Variants in LPP observed in about 807,000 individuals in gnomAD.
The protein encoded by LPP is lipoma-preferred partner.
Under a neutral mutation model 60.4 loss-of-function variants are expected in LPP, and 38 were observed. The ratio of observed to expected loss-of-function variants is 0.63; its 90% CI spans 0.49 to 0.83. LPP has a LOEUF of 0.83. LPP is among the 40% of genes least tolerant of loss of function. The pLI is 0.00. For synonymous variants in LPP, 328 were observed against 290.8 expected (o/e 1.13, Z -1.30); for missense variants, 902 against 783.6 (o/e 1.15, Z -1.80).
At chr3:188,663,299 AT>A (rs1431126141) in intron 7 of LPP, among the ~76,000 whole-genome samples, 1 of 152,180 alleles carries the variant, frequency 6.6e-6, no homozygotes, top group African/African-American at 2.4e-5. Flanking sequence ...CCTTAATTGC[AT>A]ATACAGACTC....
Position 188,760,190 on chromosome 3 carries a change from G to A in LPP, c.1318G>A (p.Asp440Asn). 4.3e-6 allele frequency: 7 copies of A among 1,614,084 alleles called. No individual in the cohort carries two copies. The highest frequency in any genetic ancestry group is 5.9e-6 in the Non-Finnish European group (7 of 1,179,988). Residue 440 changes from aspartate to asparagine, a missense_variant, in exon 9 of 12, where the codon GAT becomes AAT. By Grantham distance (23) the Asp-to-Asn change is conservative. Transcript: ENST00000617246. Reference sequence around the variant, plus strand: ...TGCCATGGATCAGGTCTTCCACGTGGATTGTTTTACCTGCATCATCTGCAA... The same window carrying A: ...TGCCATGGATCAGGTCTTCCACGTGAATTGTTTTACCTGCATCATCTGCAA... ...CTAMDQVFHV[D>N]CFTCIICNNK...
chr3:188,570,292 T>C (rs372031237), intron 6 of LPP, among the ~76,000 whole-genome samples: 1 of 151,976 alleles, frequency 6.6e-6, no homozygotes, highest in Non-Finnish European at 1.5e-5. Context: ...AAAGAAATTA[T>C]TGTAGAAATC....
At position 188,413,621 on chromosome 3, in the gene LPP, G is replaced by A. The variant is rs1196396762; in HGVS notation, c.193+7308G>A. ...CCTCAGGGGGACAAAAGAACAAGCT[G>A]TGTATTCATTAAAGGATCAAATATT... On this transcript the variant is annotated intron_variant, in intron 4 of 11. Transcript: ENST00000617246. Among the ~76,000 whole-genome samples, 3 of 152,152 alleles carry A rather than the reference G, an allele frequency of 2.0e-5. No homozygotes were observed. The East Asian group carries it at 5.8e-4, about 29-fold the overall frequency.
rs372002931 is a variant in LPP, at chr3:188,497,383, A to G, written c.306+12679A>G. ...TCTAAACAAGTGAAGGATTTATCTTAAAAAATAAAATTTTAGTATTTTCTT... is the reference window on the plus strand; with the variant it reads ...TCTAAACAAGTGAAGGATTTATCTTGAAAAATAAAATTTTAGTATTTTCTT... On this transcript the variant is annotated intron_variant, in intron 5 of 11. Coordinates refer to ENST00000617246, the MANE Select transcript of LPP (RefSeq NM_001375462.1). Among the ~76,000 whole-genome samples the G allele has an allele frequency of 5.6e-4, 85 of 152,358 alleles. 1 individual carries two copies. The highest frequency in any genetic ancestry group is 2.0e-3 in the African/African-American group (85 of 41,592).
At chr3:188,187,506 G>T (rs1335419940) in intron 1 of LPP, among the ~76,000 whole-genome samples, 1 of 151,916 alleles carries the variant, frequency 6.6e-6, no homozygotes, top group Non-Finnish European at 1.5e-5. Flanking sequence ...ATTTTAGGCT[G>T]TATTTTGTTT....
rs540997750 is a variant in LPP at position 188,872,531 on chromosome 3, G to A, written c.1590-112G>A. 2.1e-5 allele frequency: 24 copies of A among 1,140,050 alleles called. No individual in the cohort carries two copies. In the African/African-American group the frequency reaches 2.4e-4, roughly 12 times the overall value. The allele number at this position is 1,140,050 out of a possible 1,614,324, so 70.6% of individuals were successfully genotyped here. On this transcript the variant is annotated intron_variant, in intron 10 of 11. Coordinates refer to ENST00000617246, the MANE Select transcript of LPP (RefSeq NM_001375462.1). ...CCTGAGTCTAACTCCCTCACCTTAC[G>A]GATGAGGAAGCAGGTATACCGACTC...
intron 4 of LPP, among the ~76,000 whole-genome samples, chr3:188,426,945 G>C (rs1789535765): frequency 6.6e-6 from 1 of 152,030 alleles, no homozygotes; most frequent in African/African-American, 2.4e-5. Flanking sequence ...CCTTTAGCCT[G>C]TTTACATTGA....
At chr3:188,685,767 C>T (rs1321040023) in intron 7 of LPP, among the ~76,000 whole-genome samples, 2 of 152,130 alleles carry the variant, frequency 1.3e-5, no homozygotes, top group Non-Finnish European at 2.9e-5. Context: ...TTTGCCTTAA[C>T]GTGGTGTCCC....
chr3:188,855,362 T>C (rs1313104838), intron 9 of LPP, among the ~76,000 whole-genome samples: 1 of 152,198 alleles, frequency 6.6e-6, no homozygotes, highest in Non-Finnish European at 1.5e-5. Flanking sequence ...TTGAACAAAC[T>C]AGTGTAAGAT....
In LPP at chr3:188,825,581, G is replaced by C. The variant is rs575802392; in HGVS notation, c.1411-40619G>C. ...GCAGGCGACAGGGTTCTGAGAGTGA[G>C]AGAGTAATGGAATGTGTATGTCTCT... On this transcript the variant is annotated intron_variant, in intron 9 of 11. Coordinates refer to ENST00000617246, the MANE Select transcript of LPP (RefSeq NM_001375462.1). Among the ~76,000 whole-genome samples, 3 of 152,072 alleles carry C rather than the reference G, an allele frequency of 2.0e-5. No individual in the cohort carries two copies. The East Asian group carries it at 5.8e-4, about 29-fold the overall frequency.
Position 188,884,424 on chromosome 3 carries a change from C to T in LPP, c.*9945C>T, listed in dbSNP as rs1331303412. On this transcript the variant is annotated 3_prime_UTR_variant, in exon 12 of 12. Coordinates refer to ENST00000617246, the MANE Select transcript of LPP (RefSeq NM_001375462.1). ...AGGTGGCAAATCCACATGTGTACTG[C>T]GGTCTTTAGAGATCATTTAGAGCTT... 3.9e-5 allele frequency: 9 copies of T among 229,424 alleles called. No individual in the cohort carries two copies. Among genetic ancestry groups the T allele is most frequent in the South Asian group, 1.8e-4 (1 of 5,496 alleles). The allele number at this position is 229,424 out of a possible 1,614,324, so 14.2% of individuals were successfully genotyped here. A position where few individuals can be genotyped will look rare whatever the true frequency, so the allele number is the denominator to read the frequency against.
At chr3:188,745,144 T>C (rs896473648) in intron 8 of LPP, among the ~76,000 whole-genome samples, 1 of 152,172 alleles carries the variant, frequency 6.6e-6, no homozygotes, top group Non-Finnish European at 1.5e-5. Flanking sequence ...ACTCTCAAGA[T>C]ATTTCTGTGT....
chr3:188,590,000 G>T (rs754450789), intron 6 of LPP, among the ~76,000 whole-genome samples: 1 of 152,100 alleles, frequency 6.6e-6, no homozygotes, highest in African/African-American at 2.4e-5. Flanking sequence ...TTTTGTTTAC[G>T]TTGCACTGCA....
intron 5 of LPP, among the ~76,000 whole-genome samples, chr3:188,493,819 A>G (rs1013016789): frequency 3.3e-5 from 5 of 152,084 alleles, no homozygotes; most frequent in African/African-American, 1.2e-4. Context: ...AACTCCTACT[A>G]TATGGAATTG....
rs201984851 is a variant in LPP at position 188,609,473 on chromosome 3, C to T, written c.742C>T (p.Pro248Ser). The T allele has an allele frequency of 5.0e-5, 80 of 1,614,078 alleles. No individual in the cohort carries two copies. The highest frequency in any genetic ancestry group is 6.7e-5 in the African/African-American group (5 of 74,928). Residue 248 changes from proline to serine, a missense_variant, in exon 7 of 12, where the codon CCC (proline) becomes TCC (serine). Physicochemically the swap from Pro to Ser is moderately conservative, Grantham distance 74. Transcript: ENST00000617246. This position sits in a 1 kb window ranked among gnomAD's most constrained non-coding sequence, Gnocchi z 6.9. ...PSSGQIYGSG[P>S]QGYNTQPVPV... ...ATCAGGACAAATTTATGGCTCAGGG[C>T]CCCAGGGCTATAACACTCAGCCAGT...
chr3:188,826,570 T>C (rs1047594075), intron 9 of LPP, among the ~76,000 whole-genome samples: 6 of 152,164 alleles, frequency 3.9e-5, no homozygotes, highest in African/African-American at 1.2e-4. Flanking sequence ...TCTAACTCCC[T>C]TCATCCTCCC....
intron 3 of LPP, among the ~76,000 whole-genome samples, chr3:188,361,677 A>C (rs112916946): frequency 0.14 from 21,830 of 151,266 alleles, 1,952 homozygotes; most frequent in African/African-American, 0.24. Flanking sequence ...AGCGATTCTC[A>C]TGCCTCAGCC....
At chr3:188,708,606 G>T (rs1865949585) in intron 8 of LPP, 1 of 628,142 alleles carries the variant, frequency 1.6e-6, no homozygotes, top group Non-Finnish European at 2.7e-6. Flanking sequence ...TAAAATTTCA[G>T]TGGTCCTTAG....
intron 3 of LPP, among the ~76,000 whole-genome samples, chr3:188,376,009 G>C (rs1381425823): frequency 6.6e-6 from 1 of 152,166 alleles, no homozygotes; most frequent in Admixed American, 6.5e-5. Flanking sequence ...ACGTAGTTGA[G>C]CTGTTTTGAG....
Sources: gnomAD v4.1 joint callset for allele counts (sites outside exome capture counted in the v4.1 genomes callset) on GRCh38, gnomAD v4.1.1 for gene constraint, Gnocchi (gnomAD v3.1) non-coding constraint, MANE v1.5 for transcripts, NCBI Gene and HGNC (gene_info 2026-07-23, HGNC 2026-07-21) for gene names.